Variants in SLC16A2 observed in about 807,000 individuals in gnomAD.
SLC16A2 encodes the protein solute carrier family 16 member 2.
SLC16A2 carries 3 observed loss-of-function variants against 27.2 expected under a neutral mutation model. The ratio of observed to expected loss-of-function variants is 0.11; its 90% CI spans 0.05 to 0.28. The LOEUF is 0.28. SLC16A2 is among the 10% of genes least tolerant of loss of function. SLC16A2 has a pLI of 1.00. For synonymous variants in SLC16A2, 202 were observed against 187.8 expected, an observed-to-expected ratio of 1.08 and a Z score of -0.62; for missense variants, 295 against 458.5, an observed-to-expected ratio of 0.64 and a Z score of 3.26.
At chrX:74,468,362 T>C (rs1250019835) in intron 1 of SLC16A2, among the ~76,000 whole-genome samples, 1 of 112,152 alleles carries the variant, frequency 8.9e-6, no homozygotes, top group Admixed American at 9.5e-5. Context: ...TGGAATTATA[T>C]AATATATGGT....
intron 1 of SLC16A2, among the ~76,000 whole-genome samples, chrX:74,460,564 G>A (rs1377466841): frequency 8.9e-6 from 1 of 112,266 alleles, no homozygotes; most frequent in African/African-American, 3.2e-5. Context: ...CACAAATTCT[G>A]ACCAACATGA....
chrX:74,431,051 A>C (rs1346319861), intron 1 of SLC16A2, among the ~76,000 whole-genome samples: 1 of 112,861 alleles, frequency 8.9e-6, no homozygotes. Context: ...CTCAGTTTGG[A>C]GATTTCTCAA....
At position 74,421,694 on chromosome X, in the gene SLC16A2, C is replaced by T. The variant is rs1470979712; in HGVS notation, c.57C>T (p.Asp19=). 2 of 1,193,185 alleles carry T rather than the reference C, an allele frequency of 1.7e-6. No homozygotes were observed. Among genetic ancestry groups the T allele is most frequent in the Admixed American group, 4.5e-5 (2 of 44,266 alleles). The change falls in exon 1 of 6, where the codon GAC becomes GAT. Residue 19 remains aspartate, a synonymous_variant. Coordinates refer to ENST00000587091, the MANE Select transcript of SLC16A2 (RefSeq NM_006517.5). Reference sequence around the variant, plus strand: ...CAAAGGGGCCCTGGCAGGAGGCAGACCAGGAACAGCAGGAGCCGGTGGGTA... The same window carrying T: ...CAAAGGGGCCCTGGCAGGAGGCAGATCAGGAACAGCAGGAGCCGGTGGGTA... The part of the protein sequence containing the change: ...EEAKGPWQEA[D]QEQQEPVGSP...
rs766960327 is a variant in SLC16A2, at chrX:74,473,651, C to T, written c.431-47339C>T. On this transcript the variant is annotated intron_variant, in intron 1 of 5. Coordinates refer to ENST00000587091, the MANE Select transcript of SLC16A2 (RefSeq NM_006517.5). ...TATCTTTTTCAAAGTTAAGTGGGCA[C>T]CTGGTCTTTGAGAATCTTCTCTTGA... 1.0e-5 allele frequency: 11 copies of T among 1,064,746 alleles called. No homozygotes were observed. The Admixed American group carries it at 2.2e-4, about 21-fold the overall frequency. 87.7% of individuals were successfully genotyped at this position (1,064,746 alleles called of 1,213,427 possible).
At chrX:74,504,984 T>C (rs1930100153) in intron 1 of SLC16A2, among the ~76,000 whole-genome samples, 1 of 111,874 alleles carries the variant, frequency 8.9e-6, no homozygotes, top group African/African-American at 3.3e-5. Flanking sequence ...AGCAAGATCC[T>C]GTCTCAAACA....
chrX:74,433,669 T>C (rs1928572874), intron 1 of SLC16A2, among the ~76,000 whole-genome samples: 1 of 112,191 alleles, frequency 8.9e-6, no homozygotes, highest in Non-Finnish European at 1.9e-5. Flanking sequence ...TTGCTTTTCA[T>C]ACTTCGAACT....
At chrX:74,435,461 AC>A (rs1472429255) in intron 1 of SLC16A2, among the ~76,000 whole-genome samples, 1 of 71,236 alleles carries the variant, frequency 1.4e-5, no homozygotes, top group African/African-American at 4.2e-5. Context: ...TGCCACTGCA[AC>A]CTAGCCTGGA....
chrX:74,461,943 C>T (rs1198538776), intron 1 of SLC16A2, among the ~76,000 whole-genome samples: 2 of 111,268 alleles, frequency 1.8e-5, no homozygotes, highest in Non-Finnish European at 3.8e-5. Flanking sequence ...TGACCCTGTC[C>T]CCTGCTGTGG....
At chrX:74,505,323 C>T (rs965402906) in intron 1 of SLC16A2, among the ~76,000 whole-genome samples, 5 of 111,868 alleles carry the variant, frequency 4.5e-5, no homozygotes, top group Non-Finnish European at 7.5e-5. Context: ...CTTTTGATTT[C>T]CTTCCTCTGC....
intron 1 of SLC16A2, among the ~76,000 whole-genome samples, chrX:74,505,246 A>T (rs1930103869): frequency 9.0e-6 from 1 of 111,699 alleles, no homozygotes; most frequent in Non-Finnish European, 1.9e-5. Context: ...AGGCTTAAGG[A>T]AATTTCCCAG....
intron 1 of SLC16A2, among the ~76,000 whole-genome samples, chrX:74,425,074 C>T (rs755276309): frequency 4.0e-4 from 45 of 111,552 alleles, no homozygotes; most frequent in African/African-American, 1.3e-3. Context: ...TGCTATGTTG[C>T]CCAGGCTGGT....
At chrX:74,526,436 C>G (rs1201343515) in intron 4 of SLC16A2, among the ~76,000 whole-genome samples, 1 of 112,285 alleles carries the variant, frequency 8.9e-6, no homozygotes, top group African/African-American at 3.2e-5. Flanking sequence ...AAAGCACATG[C>G]AAGGGGCCCT....
chrX:74,526,635 T>C (rs1011929959), intron 4 of SLC16A2, among the ~76,000 whole-genome samples: 5 of 112,249 alleles, frequency 4.5e-5, no homozygotes, highest in African/African-American at 1.6e-4. Flanking sequence ...CCAACCTCAT[T>C]ACAGTGGTGG....
intron 1 of SLC16A2, among the ~76,000 whole-genome samples, chrX:74,430,316 C>G (rs1055788836): frequency 6.3e-5 from 7 of 111,938 alleles, no homozygotes; most frequent in South Asian, 7.5e-4. Flanking sequence ...TTTAGAACTC[C>G]TGCTTTTAGA....
intron 1 of SLC16A2, among the ~76,000 whole-genome samples, chrX:74,476,762 T>C (rs1183471569): frequency 8.9e-6 from 1 of 112,114 alleles, no homozygotes; most frequent in Non-Finnish European, 1.9e-5. Context: ...TTGGTTCTGT[T>C]TATATGCTGG....
chrX:74,453,314 C>A (rs753384667), intron 1 of SLC16A2, among the ~76,000 whole-genome samples: 16 of 111,073 alleles, frequency 1.4e-4, no homozygotes, highest in Non-Finnish European at 2.6e-4. Flanking sequence ...AGATTACGGG[C>A]GTGAGCCAAC....
At position 74,482,530 on chromosome X, in the gene SLC16A2, T is replaced by G. The variant is rs771644766; in HGVS notation, c.431-38460T>G. 7.2e-5 allele frequency among the ~76,000 whole-genome samples: 8 copies of G among 111,847 alleles called. No homozygotes were observed. The South Asian group carries it at 3.0e-3, about 42-fold the overall frequency. ...CTTCAATTTGCACAATATGTATTGA[T>G]CTATCTTCAAGTTTGCTAACTTTAT... On this transcript the variant is annotated intron_variant, in intron 1 of 5. Transcript: ENST00000587091.
At chrX:74,530,716 T>C (rs1445923150) in intron 5 of SLC16A2, among the ~76,000 whole-genome samples, 2 of 111,699 alleles carry the variant, frequency 1.8e-5, no homozygotes, top group Non-Finnish European at 3.8e-5. Flanking sequence ...TGAATACTGT[T>C]TCTGGGCTCT....
At chrX:74,483,921 G>A (rs1929670463) in intron 1 of SLC16A2, among the ~76,000 whole-genome samples, 1 of 110,934 alleles carries the variant, frequency 9.0e-6, no homozygotes, top group African/African-American at 3.3e-5. Context: ...TCACTTAAGT[G>A]GAATAAAACT....
Sources: gnomAD v4.1 joint callset for allele counts (sites outside exome capture counted in the v4.1 genomes callset) on GRCh38, gnomAD v4.1.1 for gene constraint, MANE v1.5 for transcripts, NCBI Gene and HGNC (gene_info 2026-07-23, HGNC 2026-07-21) for gene names.